Variants in CAPZB observed in about 807,000 individuals in gnomAD.
The protein encoded by CAPZB is capping actin protein of muscle Z-line subunit beta.
A neutral mutation model predicts 38.1 loss-of-function variants in CAPZB; 2 were observed. The ratio of observed to expected loss-of-function variants is 0.05; its 90% CI spans 0.02 to 0.17. The LOEUF (loss-of-function observed/expected upper bound fraction) is 0.17. CAPZB is among the 10% of genes least tolerant of loss of function. CAPZB has a pLI of 1.00. For synonymous variants in CAPZB, 107 were observed against 127.4 expected, an observed-to-expected ratio of 0.84 and a Z score of 1.08; for missense variants, 161 against 334.2, an observed-to-expected ratio of 0.48 and a Z score of 4.04.
intron 1 of CAPZB, among the ~76,000 whole-genome samples, chr1:19,437,640 G>C (rs1285656561): frequency 1.3e-5 from 2 of 152,078 alleles, no homozygotes; most frequent in African/African-American, 4.8e-5. Flanking sequence ...ACTCATTCCA[G>C]GTACTGTCAC....
intron 2 of CAPZB, among the ~76,000 whole-genome samples, chr1:19,402,478 A>C (rs1209407456): frequency 6.6e-6 from 1 of 152,214 alleles, no homozygotes; most frequent in Non-Finnish European, 1.5e-5. Flanking sequence ...CCTCAGCAAA[A>C]CCAGAGTGTG....
intron 2 of CAPZB, among the ~76,000 whole-genome samples, chr1:19,388,645 C>A (rs1217760326): frequency 6.6e-6 from 1 of 152,172 alleles, no homozygotes; most frequent in African/African-American, 2.4e-5. Flanking sequence ...AAAGCCCTGG[C>A]ATTTTTTATT....
intron 6 of CAPZB, among the ~76,000 whole-genome samples, chr1:19,350,291 C>T (rs1203854673): frequency 6.6e-6 from 1 of 152,288 alleles, no homozygotes; most frequent in Admixed American, 6.5e-5. Flanking sequence ...CTTGTCTAGG[C>T]CTCCATGTCT....
chr1:19,411,141 C>A (rs1344967391), intron 2 of CAPZB, among the ~76,000 whole-genome samples: 1 of 152,176 alleles, frequency 6.6e-6, no homozygotes, highest in Non-Finnish European at 1.5e-5. Flanking sequence ...TGTGGAAGGA[C>A]TGCTTGAGTT....
At chr1:19,415,375 T>G (rs1355084858) in intron 2 of CAPZB, among the ~76,000 whole-genome samples, 1 of 152,158 alleles carries the variant, frequency 6.6e-6, no homozygotes, top group East Asian at 1.9e-4. Context: ...TTTAGACAGG[T>G]GCATAATAGT....
At chr1:19,460,618 G>GC (rs921529340) in intron 1 of CAPZB, among the ~76,000 whole-genome samples, 1 of 114,552 alleles carries the variant, frequency 8.7e-6, no homozygotes, top group Non-Finnish European at 1.7e-5. Context: ...TGGAGATGTT[G>GC]CCCCGGCTGG....
intron 2 of CAPZB, among the ~76,000 whole-genome samples, chr1:19,393,292 G>A (rs1489925032): frequency 6.6e-6 from 1 of 152,202 alleles, no homozygotes; most frequent in Non-Finnish European, 1.5e-5. Context: ...GTTTTTGGAC[G>A]GGAAGCAGCT....
rs146905688 is a variant in CAPZB, at chr1:19,419,491, A to G, written c.93+170T>C. ...AGATGGTTCTGAATGACAGACCACC[A>G]TATGAAATCCATCTTCTCTCTGCCT... On this transcript the variant is annotated intron_variant, in intron 2 of 8. Coordinates refer to ENST00000264202, the MANE Select transcript of CAPZB (RefSeq NM_004930.5). 1.1e-4 allele frequency among the ~76,000 whole-genome samples: 17 copies of G among 152,378 alleles called. No individual in the cohort carries two copies. The East Asian group carries it at 3.3e-3, about 29-fold the overall frequency.
intron 4 of CAPZB, among the ~76,000 whole-genome samples, chr1:19,377,209 T>C (rs1355875151): frequency 1.3e-5 from 2 of 152,226 alleles, no homozygotes; most frequent in East Asian, 3.8e-4. Flanking sequence ...GAGTCAGCTT[T>C]TCAGTATCAC....
chr1:19,429,244 T>C (rs971985169), intron 1 of CAPZB, among the ~76,000 whole-genome samples: 45 of 151,906 alleles, frequency 3.0e-4, no homozygotes, highest in African/African-American at 1.1e-3. Flanking sequence ...GCTATGAGGT[T>C]GAGAACCCAG....
At chr1:19,390,373 C>T (rs911675885) in intron 2 of CAPZB, among the ~76,000 whole-genome samples, 1 of 152,248 alleles carries the variant, frequency 6.6e-6, no homozygotes, top group African/African-American at 2.4e-5. Context: ...TGACACGCGG[C>T]AGCCGGATGG....
At chr1:19,424,337 CAGATATCTAAACTTTT>C (rs2094414053) in intron 1 of CAPZB, 4 of 152,120 alleles carry the variant, frequency 2.6e-5, no homozygotes, top group Admixed American at 1.3e-4. Flanking sequence ...TTATGATTAT[CAGATATCTAAACTTTT>C]TTTAAAGGTA....
At chr1:19,421,806 T>G (rs1278868939) in intron 1 of CAPZB, among the ~76,000 whole-genome samples, 1 of 152,238 alleles carries the variant, frequency 6.6e-6, no homozygotes, top group African/African-American at 2.4e-5. Context: ...GTATCTTCCT[T>G]AGAGAGTGAC....
intron 1 of CAPZB, among the ~76,000 whole-genome samples, chr1:19,424,829 A>C (rs1283986757): frequency 6.6e-6 from 1 of 152,214 alleles, no homozygotes; most frequent in East Asian, 1.9e-4. Context: ...ATCATCCTGG[A>C]TTTGGCCGCT....
intron 1 of CAPZB, among the ~76,000 whole-genome samples, chr1:19,461,737 G>C (rs1173708802): frequency 6.6e-6 from 1 of 152,148 alleles, no homozygotes; most frequent in Non-Finnish European, 1.5e-5. Context: ...AGTTTGGAAT[G>C]GGGCAAGCCT....
intron 1 of CAPZB, among the ~76,000 whole-genome samples, chr1:19,429,873 C>T (rs77568903): frequency 0.017 from 2,535 of 152,148 alleles, 52 homozygotes; most frequent in African/African-American, 0.049. Context: ...GCCCTGAGTA[C>T]GACGGAGCAC....
chr1:19,397,710 G>C (rs2094279614), intron 2 of CAPZB, among the ~76,000 whole-genome samples: 5 of 152,214 alleles, frequency 3.3e-5, no homozygotes, highest in Admixed American at 2.6e-4. Context: ...TGGATACTAA[G>C]GGTTAGGCCT....
intron 1 of CAPZB, among the ~76,000 whole-genome samples, chr1:19,450,539 C>T (rs537765523): frequency 1.4e-4 from 21 of 152,224 alleles, no homozygotes; most frequent in African/African-American, 4.6e-4. Context: ...GCCTGTAAGA[C>T]AGCTTATGTT....
intron 2 of CAPZB, among the ~76,000 whole-genome samples, chr1:19,396,182 G>A (rs111695583): frequency 1.2e-4 from 19 of 152,344 alleles, no homozygotes; most frequent in African/African-American, 4.3e-4. Context: ...TGTCTCCCCA[G>A]GGCAGTGATG....
Sources: gnomAD v4.1 joint callset for allele counts (sites outside exome capture counted in the v4.1 genomes callset) on GRCh38, gnomAD v4.1.1 for gene constraint, MANE v1.5 for transcripts, NCBI Gene and HGNC (gene_info 2026-07-23, HGNC 2026-07-21) for gene names.